Variants in CNST observed in about 807,000 individuals in gnomAD.
CNST encodes consortin, connexin sorting protein, also known as consortin.
Under a neutral mutation model 72.4 loss-of-function variants are expected in CNST, and 39 were observed. The observed-to-expected ratio is 0.54, with a 90% CI of 0.42 to 0.70. CNST has a LOEUF of 0.70. Among genes scored for constraint, CNST ranks in the 30% least tolerant of loss-of-function variants. The probability of loss-of-function intolerance (pLI) is 0.00; values close to 1 mark genes in which losing one functional copy is unlikely to be tolerated. For missense variants in CNST, 871 were observed against 868.5 expected (o/e 1.00, Z -0.04); for synonymous variants, 332 against 320.1 (o/e 1.04, Z -0.40).
At position 246,591,595 on chromosome 1, in the gene CNST, GCAAATAGAACCA is replaced by G. The variant is rs1661547115; in HGVS notation, c.37_48del (p.Ile13_Gln16del). On this transcript the variant is annotated inframe_deletion, in exon 2 of 11. Coordinates refer to ENST00000366513, the MANE Select transcript of CNST (RefSeq NM_152609.3). ...ACAGCGATACTCCTACATATTATCT[GCAAATAGAACCA>G]CAAGATGGATGTCATCCTGGTGACA... 1 of 1,614,100 alleles carries G rather than the reference GCAAATAGAACCA, an allele frequency of 6.2e-7. No homozygotes were observed. Among genetic ancestry groups the G allele is most frequent in the East Asian group, 2.2e-5 (1 of 44,894 alleles).
chr1:246,635,488 G>A (rs945066770), intron 6 of CNST, among the ~76,000 whole-genome samples: 13 of 151,982 alleles, frequency 8.6e-5, no homozygotes, highest in African/African-American at 1.9e-4. Flanking sequence ...ACTGGTACAC[G>A]GGCTACTTTT....
intron 1 of CNST, among the ~76,000 whole-genome samples, chr1:246,572,279 A>G (rs974538280): frequency 6.6e-6 from 1 of 152,220 alleles, no homozygotes; most frequent in African/African-American, 2.4e-5. Flanking sequence ...TTTTTATATT[A>G]TAGATTTTGA....
intron 1 of CNST, among the ~76,000 whole-genome samples, chr1:246,591,302 T>C (rs1421527979): frequency 6.6e-6 from 1 of 152,208 alleles, no homozygotes; most frequent in Non-Finnish European, 1.5e-5. Flanking sequence ...GTGATCATCA[T>C]GAGGAGACAG....
chr1:246,596,080 G>A (rs1286361432), intron 2 of CNST, among the ~76,000 whole-genome samples: 1 of 151,794 alleles, frequency 6.6e-6, no homozygotes, highest in Non-Finnish European at 1.5e-5. Context: ...GAATCCCCTT[G>A]ATATGCTTAA....
chr1:246,586,579 G>T (rs2103019453), intron 1 of CNST, among the ~76,000 whole-genome samples: 1 of 151,624 alleles, frequency 6.6e-6, no homozygotes, highest in East Asian at 1.9e-4. Flanking sequence ...ACGTGATGTT[G>T]GTTCAGTAAG....
intron 2 of CNST, among the ~76,000 whole-genome samples, chr1:246,613,042 T>A (rs1358409998): frequency 6.6e-6 from 1 of 152,200 alleles, no homozygotes; most frequent in Non-Finnish European, 1.5e-5. Flanking sequence ...TCTCATTTAC[T>A]CCTTGTCACA....
chr1:246,665,805 AGTCACCTGTTTG>A lies in CNST; in HGVS notation c.2079_2090del (p.Glu693_Cys697delinsAsp), dbSNP rs775074200. ...TTATACTGCACTTTCGGTGACATGG[AGTCACCTGTTTG>A]TACTGACTTTGCAGACAACATGGAC... On this transcript the variant is annotated inframe_deletion, in exon 11 of 11. Coordinates refer to ENST00000366513, the MANE Select transcript of CNST (RefSeq NM_152609.3). The A allele has an allele frequency of 7.4e-6, 12 of 1,612,888 alleles. No individual in the cohort carries two copies. The highest frequency in any genetic ancestry group is 8.5e-7 in the Non-Finnish European group (1 of 1,178,902).
intron 9 of CNST, among the ~76,000 whole-genome samples, chr1:246,651,052 C>CAA (rs1666419713): frequency 6.6e-6 from 1 of 152,188 alleles, no homozygotes; most frequent in Non-Finnish European, 1.5e-5. Context: ...GCTGAGGATA[C>CAA]AATGAGAAAT....
At position 246,632,338 on chromosome 1, in the gene CNST, G is replaced by A. The variant is rs1056042211; in HGVS notation, c.616+414G>A. 31 of 280,838 alleles carry A rather than the reference G, an allele frequency of 1.1e-4. No individual in the cohort carries two copies. The East Asian group carries it at 1.3e-3, about 12-fold the overall frequency. The allele number at this position is 280,838 out of a possible 1,614,324, so 17.4% of individuals were successfully genotyped here. A position where few individuals can be genotyped will look rare whatever the true frequency, so the allele number is the denominator to read the frequency against. ...CAGACTTGGGACCCGGGACATTGCCGCCCCCGTGATGGTGAATCTCGTCGT... is the reference window on the plus strand; with the variant it reads ...CAGACTTGGGACCCGGGACATTGCCACCCCCGTGATGGTGAATCTCGTCGT... On this transcript the variant is annotated intron_variant, in intron 4 of 10. Coordinates refer to ENST00000366513, the MANE Select transcript of CNST (RefSeq NM_152609.3).
At chr1:246,658,742 GCCTGATGCCAGCAAGTCACTGA>G (rs1178034052) in intron 9 of CNST, among the ~76,000 whole-genome samples, 33 of 102,878 alleles carry the variant, frequency 3.2e-4, no homozygotes, top group Non-Finnish European at 6.8e-4. Flanking sequence ...CAAGTCACTG[GCCTGATGCCAGCAAGTCACTGA>G]CATCTTCGGT....
At chr1:246,663,202 G>T (rs1667206035) in intron 10 of CNST, among the ~76,000 whole-genome samples, 1 of 151,202 alleles carries the variant, frequency 6.6e-6, no homozygotes, top group Non-Finnish European at 1.5e-5. Flanking sequence ...AAAAAATACA[G>T]AAATTAGCAG....
intron 3 of CNST, among the ~76,000 whole-genome samples, chr1:246,627,622 TG>T (rs1414799737): frequency 6.6e-6 from 1 of 152,166 alleles, no homozygotes; most frequent in Admixed American, 6.5e-5. Flanking sequence ...CTGTTTCGAG[TG>T]GATCACAAGA....
Position 246,665,582 on chromosome 1 carries a change from C to G in CNST, c.1973-118C>G. The G allele has an allele frequency of 3.8e-6, 3 of 784,554 alleles. No homozygotes were observed. In the South Asian group the frequency reaches 5.3e-5, roughly 14 times the overall value. The allele number at this position is 784,554 out of a possible 1,614,324, so 48.6% of individuals were successfully genotyped here. ...CAGCATGAGTTTTCTGTCAATACTT[C>G]CTATCCGTAGAGGACCAACAGTAGA... On this transcript the variant is annotated intron_variant, in intron 10 of 10. Transcript: ENST00000366513.
At chr1:246,660,639 C>T (rs1572257881) in intron 10 of CNST, among the ~76,000 whole-genome samples, 1 of 152,232 alleles carries the variant, frequency 6.6e-6, no homozygotes, top group East Asian at 1.9e-4. Context: ...GCAGGAGAAT[C>T]GCTTGAACCC....
intron 9 of CNST, among the ~76,000 whole-genome samples, chr1:246,655,536 G>A (rs1423430632): frequency 6.6e-6 from 1 of 152,086 alleles, no homozygotes; most frequent in Non-Finnish European, 1.5e-5. Flanking sequence ...TCTCTAGATG[G>A]GCAAATTTGG....
At chr1:246,582,679 T>A (rs1461721070) in intron 1 of CNST, among the ~76,000 whole-genome samples, 1 of 152,232 alleles carries the variant, frequency 6.6e-6, no homozygotes, top group Non-Finnish European at 1.5e-5. Context: ...CGTCACTACT[T>A]TACTTCAGCA....
intron 1 of CNST, among the ~76,000 whole-genome samples, chr1:246,585,641 CAAAAAAA>C (rs543693321): frequency 4.2e-4 from 18 of 42,842 alleles, no homozygotes; most frequent in African/African-American, 1.1e-3. Context: ...GACTCTGTCT[CAAAAAAA>C]AAAAAAAAAA....
chr1:246,617,676 A>G (rs182978071), intron 2 of CNST, among the ~76,000 whole-genome samples: 1 of 152,352 alleles, frequency 6.6e-6, no homozygotes, highest in Admixed American at 6.5e-5. Context: ...CTGCCTTAAT[A>G]TCCATGTCAT....
Position 246,591,682 on chromosome 1 carries a change from A to G in CNST, c.120A>G (p.Glu40=). Residue 40 remains glutamate (E), a synonymous_variant, in exon 2 of 11, where the codon GAA becomes GAG. Coordinates refer to ENST00000366513, the MANE Select transcript of CNST (RefSeq NM_152609.3). ...TCLPSASDEN[E]NQLDGDGHEH... is the part of the protein sequence containing the mutation. ...TGCCTTCTGCATCAGATGAAAATGA[A>G]AATCAGCTTGACGGGGACGGGCATG... 1.2e-6 allele frequency: 2 copies of G among 1,614,216 alleles called. No individual in the cohort carries two copies. The highest frequency in any genetic ancestry group is 2.2e-5 in the South Asian group (2 of 91,082).
Sources: allele counts gnomAD v4.1 joint callset (sites outside exome capture counted in the v4.1 genomes callset), GRCh38; gene constraint gnomAD v4.1.1; transcripts MANE v1.5; gene names NCBI Gene and HGNC (gene_info 2026-07-23, HGNC 2026-07-21).